The following TBC1D30 variants were observed in gnomAD, a reference collection of about 807,000 sequenced individuals.
The protein encoded by TBC1D30 is TBC1 domain family member 30, also known as TBC1 domain family, member 30.
TBC1D30 carries 31 observed loss-of-function variants against 63.2 expected under a neutral mutation model. The observed-to-expected ratio is 0.49, with a 90% CI of 0.37 to 0.66. TBC1D30 has a LOEUF of 0.66. TBC1D30 is among the 30% of genes least tolerant of loss of function. TBC1D30 has a pLI of 0.00. For synonymous variants in TBC1D30, 307 were observed against 361.5 expected (o/e 0.85, Z 1.71); for missense variants, 810 against 953.6 (o/e 0.85, Z 1.98).
chr12:64,768,214 A>G (rs1202723943), intron 1 of TBC1D30: 1 of 152,214 alleles, frequency 6.6e-6, no homozygotes, highest in Admixed American at 6.5e-5. Context: ...CTTACAAAAT[A>G]TAATAGGGGT....
chr12:64,763,311 T>C (rs1870586381), intron 1 of TBC1D30, among the ~76,000 whole-genome samples: 1 of 152,246 alleles, frequency 6.6e-6, no homozygotes, highest in African/African-American at 2.4e-5. Context: ...TCAATGAGTT[T>C]ATATAATTCA....
rs1190976019 is a variant in TBC1D30 at position 64,866,906 on chromosome 12, A to G, written c.1291+3A>G. On this transcript the variant is annotated splice_donor_region_variant and intron_variant, in intron 10 of 11. Coordinates refer to ENST00000539867, the MANE Select transcript of TBC1D30 (RefSeq NM_015279.2). ...GAAGTACCAAAAACAAATTAAAGGT[A>G]AAGAGGTGGCTCTTGATTTAGATTA... is the stretch of plus-strand genomic sequence containing the variant. 16 of 1,536,030 alleles carry G rather than the reference A, an allele frequency of 1.0e-5. No individual in the cohort carries two copies. Among genetic ancestry groups the G allele is most frequent in the Non-Finnish European group, 1.4e-5 (16 of 1,146,882 alleles).
intron 2 of TBC1D30, among the ~76,000 whole-genome samples, chr12:64,801,477 CAG>C (rs1872581067): frequency 6.6e-6 from 1 of 152,188 alleles, no homozygotes; most frequent in Non-Finnish European, 1.5e-5. Flanking sequence ...GGGGCACCAA[CAG>C]GGTTCTATTG....
At chr12:64,786,386 C>T (rs1415918670) in intron 2 of TBC1D30, among the ~76,000 whole-genome samples, 5 of 151,988 alleles carry the variant, frequency 3.3e-5, no homozygotes, top group South Asian at 2.1e-4. Context: ...GGCTGGAGTG[C>T]AGTGGCGTAA....
intron 2 of TBC1D30, among the ~76,000 whole-genome samples, chr12:64,790,043 C>G (rs1363302952): frequency 1.3e-5 from 2 of 152,166 alleles, no homozygotes; most frequent in Non-Finnish European, 2.9e-5. Context: ...AGATAGGTAT[C>G]TCAAAAGTCC....
chr12:64,844,657 C>T (rs1876201411), intron 8 of TBC1D30, among the ~76,000 whole-genome samples: 1 of 152,236 alleles, frequency 6.6e-6, no homozygotes, highest in African/African-American at 2.4e-5. Context: ...CTAACTATCT[C>T]TTCTTCCCTA....
intron 11 of TBC1D30, among the ~76,000 whole-genome samples, chr12:64,871,182 A>G (rs1360766662): frequency 2.0e-5 from 3 of 152,206 alleles, no homozygotes; most frequent in Non-Finnish European, 4.4e-5. Context: ...TCTGTGCACT[A>G]GTAAATTAAG....
chr12:64,838,392 G>A (rs1310551734), intron 6 of TBC1D30, among the ~76,000 whole-genome samples: 1 of 152,094 alleles, frequency 6.6e-6, no homozygotes, highest in African/African-American at 2.4e-5. Flanking sequence ...TTTTTGGTGA[G>A]GAAAACTTTC....
At chr12:64,807,579 A>G (rs1229285703) in intron 2 of TBC1D30, among the ~76,000 whole-genome samples, 1 of 152,178 alleles carries the variant, frequency 6.6e-6, no homozygotes, top group African/African-American at 2.4e-5. Context: ...CTCAAGTCAC[A>G]TGGGTAGTTG....
At chr12:64,762,789 T>A (rs1387112067) in intron 1 of TBC1D30, among the ~76,000 whole-genome samples, 1 of 152,154 alleles carries the variant, frequency 6.6e-6, no homozygotes, top group African/African-American at 2.4e-5. Flanking sequence ...AATAGAAAGA[T>A]AATTTAGTTT....
chr12:64,830,626 C>A (rs955161688), intron 4 of TBC1D30, 124 bp downstream of exon 4: 3 of 919,896 alleles, frequency 3.3e-6, no homozygotes, highest in Non-Finnish European at 1.5e-6. Flanking sequence ...TATTTTCTGC[C>A]TTCTCATTTC....
At chr12:64,869,556 G>A (rs1878490712) in intron 10 of TBC1D30, among the ~76,000 whole-genome samples, 1 of 152,086 alleles carries the variant, frequency 6.6e-6, no homozygotes, top group Admixed American at 6.6e-5. Context: ...CTAGCCATAG[G>A]ATCAATATGT....
At position 64,828,528 on chromosome 12, in the gene TBC1D30, GC is replaced by G; in HGVS notation, c.282+20del. The G allele has an allele frequency of 6.6e-7, 1 of 1,509,540 alleles. No individual in the cohort carries two copies. Among genetic ancestry groups the G allele is most frequent in the Non-Finnish European group, 8.9e-7 (1 of 1,123,112 alleles). 93.5% of individuals were successfully genotyped at this position (1,509,540 alleles called of 1,614,324 possible). On this transcript the variant is annotated intron_variant, in intron 3 of 11. Transcript: ENST00000539867. ...GAGAAAGGTAAGGAGGACTCATAGGGCTAGAATACAGAAGGATCATCACTGC... is the reference window on the plus strand; with the variant it reads ...GAGAAAGGTAAGGAGGACTCATAGGGTAGAATACAGAAGGATCATCACTGC...
In TBC1D30 at chr12:64,880,511, A is replaced by G. The variant is rs537198117; in HGVS notation, c.*4723A>G. The G allele has an allele frequency of 6.6e-6, 1 of 152,314 alleles. No homozygotes were observed. The highest frequency in any genetic ancestry group is 2.1e-4 in the South Asian group (1 of 4,832). 9.4% of individuals were successfully genotyped at this position (152,314 alleles called of 1,614,324 possible). A position where few individuals can be genotyped will look rare whatever the true frequency, so the allele number is the denominator to read the frequency against. ...TTCTCACTGTGTCCTCACACAATGG[A>G]GAAAGGGAGTATGTTTTGGTCTCTT... On this transcript the variant is annotated 3_prime_UTR_variant, in exon 12 of 12. Coordinates refer to ENST00000539867, the MANE Select transcript of TBC1D30 (RefSeq NM_015279.2).
chr12:64,794,860 A>G (rs1185557454), intron 2 of TBC1D30, among the ~76,000 whole-genome samples: 1 of 152,028 alleles, frequency 6.6e-6, no homozygotes, highest in Non-Finnish European at 1.5e-5. Flanking sequence ...TGCTATTTGA[A>G]TGTTTCTTTT....
At chr12:64,872,193 G>A (rs150607342) in intron 11 of TBC1D30, among the ~76,000 whole-genome samples, 253 of 152,126 alleles carry the variant, frequency 1.7e-3, no homozygotes, top group African/African-American at 5.7e-3. Context: ...ATGCCTGGCT[G>A]ATTCTTGTAT....
chr12:64,817,448 G>A (rs1035893706), intron 2 of TBC1D30, among the ~76,000 whole-genome samples: 2 of 152,158 alleles, frequency 1.3e-5, no homozygotes, highest in Non-Finnish European at 2.9e-5. Flanking sequence ...TGTCTGCTGC[G>A]TTGCCTCCTG....
chr12:64,845,890 C>CA (rs902139582), intron 8 of TBC1D30, among the ~76,000 whole-genome samples: 2 of 152,144 alleles, frequency 1.3e-5, no homozygotes, highest in Non-Finnish European at 2.9e-5. Flanking sequence ...AAACTCCTGA[C>CA]ATCAAGTGAT....
At chr12:64,767,796 G>GA (rs1313829008) in intron 1 of TBC1D30, among the ~76,000 whole-genome samples, 2 of 111,840 alleles carry the variant, frequency 1.8e-5, no homozygotes, top group Non-Finnish European at 3.9e-5. Flanking sequence ...GGCGGGGGGG[G>GA]GGGGAGGGGG....
Sources: gnomAD v4.1 joint callset for allele counts (sites outside exome capture counted in the v4.1 genomes callset) on GRCh38, gnomAD v4.1.1 for gene constraint, MANE v1.5 for transcripts, NCBI Gene and HGNC (gene_info 2026-07-23, HGNC 2026-07-21) for gene names.